Variants in ARHGEF10 observed in about 807,000 individuals in gnomAD.
The protein encoded by ARHGEF10 is Rho guanine nucleotide exchange factor 10.
A neutral mutation model predicts 147.4 loss-of-function variants in ARHGEF10; 140 were observed. The observed-to-expected ratio is 0.95, with a 90% CI of 0.83 to 1.09. The LOEUF is 1.09. ARHGEF10 is among the 50% of genes least tolerant of loss of function. The probability of loss-of-function intolerance (pLI) is 0.00; values close to 1 mark genes in which losing one functional copy is unlikely to be tolerated. For missense variants in ARHGEF10, 2,222 were observed against 1,752.7 expected (o/e 1.27, Z -4.78); for synonymous variants, 902 against 695.8 (o/e 1.30, Z -4.67).
intron 6 of ARHGEF10, among the ~76,000 whole-genome samples, chr8:1,868,107 A>G (rs1333291965): frequency 6.6e-6 from 1 of 152,246 alleles, no homozygotes; most frequent in Admixed American, 6.5e-5. Context: ...CAGTCTCTGA[A>G]CATTATCTAA....
intron 26 of ARHGEF10, chr8:1,943,879 C>G (rs556948348): frequency 1.3e-5 from 2 of 149,420 alleles, no homozygotes; most frequent in South Asian, 2.1e-4. Flanking sequence ...AGGTATTACA[C>G]GGCTGACTCT....
intron 24 of ARHGEF10, 50 bp downstream of exon 24, chr8:1,928,700 A>G (rs1372285263): frequency 1.8e-5 from 29 of 1,595,340 alleles, no homozygotes; most frequent in Non-Finnish European, 2.3e-5. Flanking sequence ...CTGCCCATGG[A>G]GGGCGTGGTG....
In ARHGEF10 at chr8:1,876,749, C is replaced by G; in HGVS notation, c.843+15C>G. ...ACAAAAAGCAAGTACGTGTTCCCTG[C>G]ACATGTGAGGGATGGTTCTCTCGCG... On this transcript the variant is annotated intron_variant, in intron 8 of 28. Transcript: ENST00000349830. The G allele has an allele frequency of 1.2e-6, 2 of 1,613,918 alleles. No individual in the cohort carries two copies. The highest frequency in any genetic ancestry group is 1.7e-6 in the Non-Finnish European group (2 of 1,179,836).
At chr8:1,883,176 G>T (rs1808364472) in intron 10 of ARHGEF10, among the ~76,000 whole-genome samples, 1 of 152,150 alleles carries the variant, frequency 6.6e-6, no homozygotes, top group Non-Finnish European at 1.5e-5. Context: ...GTAGACAGCT[G>T]AAGTTCCAGG....
intron 4 of ARHGEF10, among the ~76,000 whole-genome samples, chr8:1,862,638 G>A (rs1377076672): frequency 3.9e-5 from 6 of 152,214 alleles, no homozygotes; most frequent in Non-Finnish European, 8.8e-5. Context: ...TGTGCTCCTG[G>A]ACACCCCCGT....
intron 5 of ARHGEF10, among the ~76,000 whole-genome samples, chr8:1,866,156 G>A (rs1806593043): frequency 1.3e-5 from 2 of 152,172 alleles, no homozygotes; most frequent in South Asian, 4.1e-4. Flanking sequence ...ATTGCCCGCT[G>A]GCATCTCTCC....
chr8:1,898,628 G>A (rs777225612), intron 15 of ARHGEF10, 103 bp downstream of exon 15: 40 of 1,167,404 alleles, frequency 3.4e-5, no homozygotes, highest in South Asian at 1.5e-4. Flanking sequence ...TGCCCCTCGG[G>A]CCTCCTCATC....
In ARHGEF10 at chr8:1,893,092, C is replaced by CCA. The variant is rs1809682471; in HGVS notation, c.1183-477_1183-476insCA. On this transcript the variant is annotated intron_variant, in intron 11 of 28. Coordinates refer to ENST00000349830, the MANE Select transcript of ARHGEF10 (RefSeq NM_014629.4). ...TCTTTGGATGGTTGAAAGATCTTTG[C>CCA]AAAAAAAAAAAAAAAAAAAAGATTC... is the stretch of plus-strand genomic sequence containing the variant. Among the ~76,000 whole-genome samples the CCA allele has an allele frequency of 2.6e-5, 2 of 76,848 alleles. 1 individual carries two copies. Among genetic ancestry groups the CCA allele is most frequent in the African/African-American group, 8.7e-5 (2 of 23,024 alleles). 50.4% of individuals were successfully genotyped at this position (76,848 alleles called of 152,430 possible). A position where few individuals can be genotyped will look rare whatever the true frequency, so the allele number is the denominator to read the frequency against.
intron 7 of ARHGEF10, among the ~76,000 whole-genome samples, chr8:1,872,353 C>G (rs1452928263): frequency 6.6e-6 from 1 of 152,114 alleles, no homozygotes; most frequent in East Asian, 1.9e-4. Context: ...CGGACAAACC[C>G]CTCAGTCGCA....
At chr8:1,893,811 A>G (rs1809746564) in intron 12 of ARHGEF10, among the ~76,000 whole-genome samples, 165 bp downstream of exon 12, 1 of 152,242 alleles carries the variant, frequency 6.6e-6, no homozygotes, top group Non-Finnish European at 1.5e-5. Context: ...TTGACATCAA[A>G]AGTCATGATT....
chr8:1,852,051 C>T (rs1486639662), intron 2 of ARHGEF10, among the ~76,000 whole-genome samples: 26 of 152,172 alleles, frequency 1.7e-4, no homozygotes, highest in Admixed American at 1.6e-3. Context: ...CTTGATAGCT[C>T]GAGATTCAGG....
chr8:1,891,798 G>A (rs1257407800), intron 11 of ARHGEF10, among the ~76,000 whole-genome samples: 1 of 152,026 alleles, frequency 6.6e-6, no homozygotes, highest in African/African-American at 2.4e-5. Flanking sequence ...GTGTCAGATT[G>A]AGCTGCCAGA....
chr8:1,865,685 C>T (rs958977872), intron 5 of ARHGEF10, among the ~76,000 whole-genome samples: 6 of 151,908 alleles, frequency 3.9e-5, no homozygotes, highest in East Asian at 3.9e-4. Context: ...CTTGAGAAGT[C>T]GTCATCGTGG....
chr8:1,939,822 G>A (rs911601547), intron 26 of ARHGEF10, among the ~76,000 whole-genome samples: 2 of 152,310 alleles, frequency 1.3e-5, no homozygotes, highest in East Asian at 3.9e-4. Context: ...GGACTGGGGG[G>A]AAGCATGGGC....
chr8:1,919,401 G>C (rs761844907), intron 18 of ARHGEF10, among the ~76,000 whole-genome samples: 2 of 148,346 alleles, frequency 1.3e-5, no homozygotes, highest in Non-Finnish European at 3.0e-5. Flanking sequence ...CTGTTCCATG[G>C]ATGATGGAGC....
chr8:1,823,654 C>CTCCCGAAG (rs1233759146), upstream of ARHGEF10, among the ~76,000 whole-genome samples: 1 of 151,826 alleles, frequency 6.6e-6, no homozygotes, highest in African/African-American at 2.4e-5. Context: ...CCAGCGACCC[C>CTCCCGAAG]TCCCGAAGTG....
intron 18 of ARHGEF10, among the ~76,000 whole-genome samples, chr8:1,912,167 G>A (rs539338119): frequency 2.0e-4 from 31 of 152,278 alleles, no homozygotes; most frequent in Admixed American, 3.9e-4. Context: ...CCCTGCAAAA[G>A]CGCCGTGTCG....
At position 1,903,433 on chromosome 8, in the gene ARHGEF10, C is replaced by T. The variant is rs757028716; in HGVS notation, c.1803C>T (p.Asn601=). 32 of 1,614,058 alleles carry T rather than the reference C, an allele frequency of 2.0e-5. No individual in the cohort carries two copies. The highest frequency in any genetic ancestry group is 5.0e-5 in the Admixed American group (3 of 59,992). ...CEVKQIAKAI[N]ERYLNKLLSS... is the part of the protein sequence containing the mutation. ...TGAAGCAAATAGCCAAAGCCATAAACGAAAGATACCTGAACAAGGTTGAGA... is the reference window on the plus strand; with the variant it reads ...TGAAGCAAATAGCCAAAGCCATAAATGAAAGATACCTGAACAAGGTTGAGA... The change falls in exon 16 of 29, where the codon AAC becomes AAT. Residue 601 remains asparagine, a synonymous_variant. Coordinates refer to ENST00000349830, the MANE Select transcript of ARHGEF10 (RefSeq NM_014629.4).
chr8:1,849,211 G>A (rs1804781552), intron 2 of ARHGEF10, among the ~76,000 whole-genome samples: 1 of 152,274 alleles, frequency 6.6e-6, no homozygotes, highest in Admixed American at 6.5e-5. Flanking sequence ...AACACAGATG[G>A]TAAATGCTGA....
Sources: gnomAD v4.1 joint callset for allele counts (sites outside exome capture counted in the v4.1 genomes callset) on GRCh38, gnomAD v4.1.1 for gene constraint, MANE v1.5 for transcripts, NCBI Gene and HGNC (gene_info 2026-07-23, HGNC 2026-07-21) for gene names.